The following OR6J1 variants were observed in gnomAD, a reference collection of about 807,000 sequenced individuals.
OR6J1 encodes the protein olfactory receptor 6J1.
For synonymous variants in OR6J1, 109 were observed against 70.0 expected, an observed-to-expected ratio of 1.56 and a Z score of -2.78; for missense variants, 304 against 166.8, an observed-to-expected ratio of 1.82 and a Z score of -4.53.
intron 1 of OR6J1, among the ~76,000 whole-genome samples, chr14:22,638,712 A>G (rs1212054348): frequency 6.6e-6 from 1 of 152,192 alleles, no homozygotes; most frequent in Non-Finnish European, 1.5e-5. Context: ...ACCATTTTAT[A>G]CCCACTATAT....
chr14:22,637,600 C>A (rs2037601282), intron 1 of OR6J1, among the ~76,000 whole-genome samples: 1 of 63,656 alleles, frequency 1.6e-5, no homozygotes. Context: ...GGTCAGCCCC[C>A]CGCCTGGCCA....
At chr14:22,641,835 T>C (rs963306080) in intron 1 of OR6J1, among the ~76,000 whole-genome samples, 3 of 152,192 alleles carry the variant, frequency 2.0e-5, no homozygotes, top group African/African-American at 7.2e-5. Context: ...ATATTTGTCC[T>C]GGGCCATTAG....
chr14:22,636,025 T>C (rs1282418794), intron 1 of OR6J1, among the ~76,000 whole-genome samples: 1 of 152,030 alleles, frequency 6.6e-6, no homozygotes, highest in Non-Finnish European at 1.5e-5. Flanking sequence ...AGAACATATT[T>C]ATGCCACAGA....
intron 1 of OR6J1, among the ~76,000 whole-genome samples, chr14:22,637,635 G>GT (rs2037601798): frequency 1.4e-5 from 1 of 69,454 alleles, no homozygotes; most frequent in Admixed American, 1.1e-4. Flanking sequence ...GAGGGAGGTG[G>GT]GGGGGTCAGC....
At chr14:22,639,278 T>G in intron 1 of OR6J1, among the ~76,000 whole-genome samples, 1 of 117,286 alleles carries the variant, frequency 8.5e-6, no homozygotes, top group Non-Finnish European at 1.7e-5. Context: ...GTCCGGGAGG[T>G]GAGGGGCGCC....
At position 22,634,621 on chromosome 14, in the gene OR6J1, T is replaced by A. The variant is rs746509732; in HGVS notation, c.191A>T (p.Asn64Ile). The change falls in exon 2 of 2, where the codon AAC becomes ATC. Residue 64 changes from asparagine (N) to isoleucine (I), a missense_variant. Transcript: ENST00000540461. ...GAAGAGGATGTCCAGGATAGAGAGG[T>A]TGCACAAGAAGAAGTACATGGGGGT... Reference protein sequence around the residue: ...LHTPMYFFLCNLSILDILFTS... With the variant: ...LHTPMYFFLCILSILDILFTS... The A allele has an allele frequency of 1.4e-6, 1 of 736,050 alleles. No homozygotes were observed. Among genetic ancestry groups the A allele is most frequent in the Non-Finnish European group, 2.5e-6 (1 of 399,450 alleles). The allele number at this position is 736,050 out of a possible 1,614,324, so 45.6% of individuals were successfully genotyped here. A position where few individuals can be genotyped will look rare whatever the true frequency, so the allele number is the denominator to read the frequency against.
At position 22,633,552 on chromosome 14, in the gene OR6J1, T is replaced by C. The variant is rs2037561458; in HGVS notation, c.*216A>G. 1.9e-6 allele frequency: 1 copy of C among 522,656 alleles called. No individual in the cohort carries two copies. Among genetic ancestry groups the C allele is most frequent in the African/African-American group, 1.9e-5 (1 of 52,650 alleles). 32.4% of individuals were successfully genotyped at this position (522,656 alleles called of 1,614,324 possible). On this transcript the variant is annotated 3_prime_UTR_variant, in exon 2 of 2. Transcript: ENST00000540461. ...GCCCTTCCATTCTTACAATATTCAG[T>C]GTGGATGGGGCTTAGAGATCATCAA...
Position 22,637,062 on chromosome 14 carries a change from G to A in OR6J1, c.-27-2224C>T, listed in dbSNP as rs1442441454. 3.3e-4 allele frequency among the ~76,000 whole-genome samples: 40 copies of A among 120,706 alleles called. 2 individuals carry two copies. In the East Asian group the frequency reaches 6.7e-3, roughly 20 times the overall value. The allele number at this position is 120,706 out of a possible 152,430, so 79.2% of individuals were successfully genotyped here. ...GAGATGTGGGGAGCACCTCTGCCCCGCCGCCCTGTCTGGGATGTGAGGAGC... is the reference window on the plus strand; with the variant it reads ...GAGATGTGGGGAGCACCTCTGCCCCACCGCCCTGTCTGGGATGTGAGGAGC... On this transcript the variant is annotated intron_variant, in intron 1 of 1. Coordinates refer to ENST00000540461, the MANE Select transcript of OR6J1 (RefSeq NM_001348233.2).
In OR6J1 at chr14:22,634,569, C is replaced by A; in HGVS notation, c.243G>T (p.Leu81Phe). The A allele has an allele frequency of 4.2e-6, 3 of 709,792 alleles. No homozygotes were observed. In the Admixed American group the frequency reaches 6.0e-5, roughly 14 times the overall value. 44.0% of individuals were successfully genotyped at this position (709,792 alleles called of 1,614,324 possible). The change falls in exon 2 of 2, where the codon TTG (leucine) becomes TTT (phenylalanine). Residue 81 changes from leucine (L) to phenylalanine (F), a missense_variant. Transcript: ENST00000540461. ...LFTSVISPKV[L>F]ANLGSRDKTI... is the part of the protein sequence containing the mutation. ...TTTTATCCCTAGATCCTAAGTTGGC[C>A]AACACTTTTGGAGAGATGACTGAGG...
At chr14:22,640,205 AGAGGGAGGGAGG>A (rs80115809) in intron 1 of OR6J1, among the ~76,000 whole-genome samples, 1 of 77,234 alleles carries the variant, frequency 1.3e-5, no homozygotes, top group Non-Finnish European at 2.5e-5. Context: ...GGGAAAAGAG[AGAGGGAGGGAGG>A]GAGGGAGGGA....
chr14:22,637,672 G>C (rs1266064179), intron 1 of OR6J1, among the ~76,000 whole-genome samples: 4 of 80,338 alleles, frequency 5.0e-5, no homozygotes, highest in Non-Finnish European at 1.0e-4. Flanking sequence ...TGCCCCGTCC[G>C]GGAGGGAGGT....
chr14:22,641,311 G>GAA (rs1214963815), intron 1 of OR6J1, among the ~76,000 whole-genome samples: 107 of 32,034 alleles, frequency 3.3e-3, no homozygotes, highest in East Asian at 0.016. Context: ...AGAGAGGAAA[G>GAA]AGAGAGAGAG....
At chr14:22,643,402 C>G (rs913518359) in intron 1 of OR6J1, among the ~76,000 whole-genome samples, 1 of 151,640 alleles carries the variant, frequency 6.6e-6, no homozygotes, top group African/African-American at 2.4e-5. Flanking sequence ...CTCAAGTGAT[C>G]CTCCCACCTC....
At chr14:22,644,069 C>T (rs2037672879) in intron 1 of OR6J1, 29 bp downstream of exon 1, 1 of 152,404 alleles carries the variant, frequency 6.6e-6, no homozygotes, top group African/African-American at 2.4e-5. Context: ...AGCCAGCCCC[C>T]AAATGCCAAA....
intron 1 of OR6J1, among the ~76,000 whole-genome samples, chr14:22,642,159 C>A (rs2037657300): frequency 6.6e-6 from 1 of 151,900 alleles, no homozygotes; most frequent in Non-Finnish European, 1.5e-5. Context: ...CCAGACAACT[C>A]ACCACATTTG....
chr14:22,637,750 G>T (rs1490980878), intron 1 of OR6J1, among the ~76,000 whole-genome samples: 1 of 74,928 alleles, frequency 1.3e-5, no homozygotes, highest in Non-Finnish European at 2.6e-5. Context: ...TCAGCCCCCC[G>T]CCTGGCCAGC....
chr14:22,633,698 G>GT lies in OR6J1; in HGVS notation c.*69dup, dbSNP rs2139290334. The GT allele has an allele frequency of 1.6e-6, 1 of 606,236 alleles. No individual in the cohort carries two copies. The highest frequency in any genetic ancestry group is 2.0e-5 in the South Asian group (1 of 50,834). The allele number at this position is 606,236 out of a possible 1,614,324, so 37.6% of individuals were successfully genotyped here. A position where few individuals can be genotyped will look rare whatever the true frequency, so the allele number is the denominator to read the frequency against. ...GTTCAAGTCTCTGTCTCCGCAGTCAGTCTTTCCACTATAGACTATTCAGAA... is the reference window on the plus strand; with the variant it reads ...GTTCAAGTCTCTGTCTCCGCAGTCAGTTCTTTCCACTATAGACTATTCAGAA... On this transcript the variant is annotated 3_prime_UTR_variant, in exon 2 of 2. Coordinates refer to ENST00000540461, the MANE Select transcript of OR6J1 (RefSeq NM_001348233.2).
At chr14:22,634,982 G>A in intron 1 of OR6J1, 144 bp from the exon 2 acceptor site, 2 of 564,784 alleles carry the variant, frequency 3.5e-6, no homozygotes, top group East Asian at 5.6e-5. Flanking sequence ...TCAATTATTT[G>A]CCTATCAAAA....
At chr14:22,637,729 A>T (rs1305044980) in intron 1 of OR6J1, among the ~76,000 whole-genome samples, 3 of 56,764 alleles carry the variant, frequency 5.3e-5, no homozygotes, top group African/African-American at 1.1e-4. Context: ...TCCGGGAGGG[A>T]GGTGGGGGGA....
Sources: gnomAD v4.1 joint callset for allele counts (sites outside exome capture counted in the v4.1 genomes callset) on GRCh38, gnomAD v4.1.1 for gene constraint, MANE v1.5 for transcripts, NCBI Gene and HGNC (gene_info 2026-07-23, HGNC 2026-07-21) for gene names.